Variants in CASQ2 observed in about 807,000 individuals in gnomAD.
The protein encoded by CASQ2 is calsequestrin-2.
Under a neutral mutation model 46.5 loss-of-function variants are expected in CASQ2, and 49 were observed. The ratio of observed to expected loss-of-function variants is 1.05; its 90% CI spans 0.84 to 1.34. The LOEUF (loss-of-function observed/expected upper bound fraction) is 1.34, where lower values mean the gene tolerates loss of function less well. Among genes scored for constraint, CASQ2 ranks in the 40% most tolerant of loss-of-function variants. The probability of loss-of-function intolerance (pLI) is 0.00; values close to 1 mark genes in which losing one functional copy is unlikely to be tolerated. For missense variants in CASQ2, 486 were observed against 481.3 expected (o/e 1.01, Z -0.09); for synonymous variants, 174 against 168.5 (o/e 1.03, Z -0.25).
intron 1 of CASQ2, among the ~76,000 whole-genome samples, chr1:115,765,988 G>T (rs1188885231): frequency 6.6e-6 from 1 of 152,200 alleles, no homozygotes; most frequent in Admixed American, 6.5e-5. Flanking sequence ...GGACTTCCCG[G>T]AGCCATTTTT....
At chr1:115,718,146 A>G (rs1358603094) in intron 7 of CASQ2, among the ~76,000 whole-genome samples, 2 of 152,216 alleles carry the variant, frequency 1.3e-5, no homozygotes, top group African/African-American at 4.8e-5. Flanking sequence ...ACAGGAAAAT[A>G]CCAACCACAC....
At chr1:115,762,418 T>A (rs1648994675) in intron 1 of CASQ2, among the ~76,000 whole-genome samples, 1 of 152,218 alleles carries the variant, frequency 6.6e-6, no homozygotes, top group Non-Finnish European at 1.5e-5. Flanking sequence ...TGAAACACTC[T>A]CTAGCTGCCT....
intron 3 of CASQ2, 134 bp downstream of exon 3, chr1:115,740,594 G>T: frequency 1.5e-6 from 1 of 687,188 alleles, no homozygotes. Flanking sequence ...GTGCTCCTTA[G>T]TTTTTTGTGA....
intron 1 of CASQ2, among the ~76,000 whole-genome samples, chr1:115,753,901 AAAG>A (rs1648668749): frequency 6.6e-6 from 1 of 151,980 alleles, no homozygotes; most frequent in African/African-American, 2.4e-5. Flanking sequence ...TGAAAAAAAA[AAAG>A]TTGAGCCTCG....
intron 1 of CASQ2, among the ~76,000 whole-genome samples, chr1:115,759,755 C>T (rs932130003): frequency 2.6e-5 from 4 of 152,182 alleles, no homozygotes; most frequent in African/African-American, 9.7e-5. Context: ...CCATGGTTTC[C>T]ATTAAACATC....
chr1:115,732,105 G>C (rs887214409), intron 5 of CASQ2: 1 of 152,018 alleles, frequency 6.6e-6, no homozygotes, highest in African/African-American at 2.4e-5. Context: ...TGTAGAGATG[G>C]GGTCTCACCA....
At chr1:115,750,804 G>A (rs948391223) in intron 1 of CASQ2, among the ~76,000 whole-genome samples, 8 of 152,178 alleles carry the variant, frequency 5.3e-5, no homozygotes, top group Non-Finnish European at 1.0e-4. Context: ...ACCGCGCCCA[G>A]CCTAAAAATT....
chr1:115,714,344 T>C (rs1654635768), intron 8 of CASQ2, among the ~76,000 whole-genome samples: 1 of 152,168 alleles, frequency 6.6e-6, no homozygotes, highest in African/African-American at 2.4e-5. Flanking sequence ...AGTGAGTGAT[T>C]TGGGCAACTT....
intron 3 of CASQ2, among the ~76,000 whole-genome samples, chr1:115,739,242 G>T (rs1173974773): frequency 2.0e-5 from 3 of 150,818 alleles, no homozygotes; most frequent in South Asian, 4.2e-4. Flanking sequence ...CTCCCGAGTA[G>T]CTGGGACTAC....
At chr1:115,737,437 G>A (rs1264524421) in intron 4 of CASQ2, among the ~76,000 whole-genome samples, 1 of 152,174 alleles carries the variant, frequency 6.6e-6, no homozygotes, top group African/African-American at 2.4e-5. Flanking sequence ...CTTCCTACGT[G>A]TATGAATGCT....
chr1:115,743,766 AT>A (rs35505775), intron 2 of CASQ2, among the ~76,000 whole-genome samples: 2 of 149,054 alleles, frequency 1.3e-5, no homozygotes, highest in African/African-American at 5.0e-5. Context: ...ATAACCCGCT[AT>A]TTTTTTTAAT....
At chr1:115,723,521 A>G (rs1199005594) in intron 7 of CASQ2, among the ~76,000 whole-genome samples, 5 of 152,170 alleles carry the variant, frequency 3.3e-5, no homozygotes, top group African/African-American at 2.4e-5. Context: ...TGCTATTACT[A>G]TTTTAAAATA....
intron 6 of CASQ2, among the ~76,000 whole-genome samples, chr1:115,726,462 G>T (rs1282111409): frequency 3.9e-5 from 6 of 152,200 alleles, no homozygotes. Context: ...TTACCATTTT[G>T]TTCTTTACAG....
intron 8 of CASQ2, among the ~76,000 whole-genome samples, chr1:115,712,438 G>A (rs756204363): frequency 2.3e-4 from 35 of 152,294 alleles, no homozygotes; most frequent in Non-Finnish European, 3.1e-4. Flanking sequence ...CTCGGGGCTG[G>A]ACTGCTGGGT....
chr1:115,753,686 T>C (rs1323986908), intron 1 of CASQ2, among the ~76,000 whole-genome samples: 3 of 152,156 alleles, frequency 2.0e-5, no homozygotes, highest in Admixed American at 6.5e-5. Flanking sequence ...AGTCTCTTCA[T>C]AGGACTTACC....
intron 8 of CASQ2, among the ~76,000 whole-genome samples, chr1:115,714,377 T>C (rs1193487481): frequency 6.6e-6 from 1 of 152,196 alleles, no homozygotes; most frequent in Admixed American, 6.5e-5. Flanking sequence ...AAACTCACGT[T>C]CCTCATCTGA....
At chr1:115,766,125 T>G (rs1156922968) in intron 1 of CASQ2, among the ~76,000 whole-genome samples, 1 of 152,192 alleles carries the variant, frequency 6.6e-6, no homozygotes, top group Admixed American at 6.5e-5. Context: ...GGCCATGTAC[T>G]TCTCGGCCAT....
chr1:115,743,158 T>C (rs1648252476), intron 2 of CASQ2, among the ~76,000 whole-genome samples: 1 of 152,158 alleles, frequency 6.6e-6, no homozygotes, highest in African/African-American at 2.4e-5. Context: ...CCTCAATGTG[T>C]CTCCAGGGAA....
chr1:115,709,579 C>G (rs1570800041), intron 8 of CASQ2, among the ~76,000 whole-genome samples: 1 of 152,166 alleles, frequency 6.6e-6, no homozygotes, highest in South Asian at 2.1e-4. Context: ...CTGCAGTTAT[C>G]AGAAAAGCAT....
Sources: allele counts gnomAD v4.1 joint callset (sites outside exome capture counted in the v4.1 genomes callset), GRCh38; gene constraint gnomAD v4.1.1; transcripts MANE v1.5; gene names NCBI Gene and HGNC (gene_info 2026-07-23, HGNC 2026-07-21).